The following ADAMTSL1 variants were observed in gnomAD, a reference collection of about 807,000 sequenced individuals.
ADAMTSL1 encodes the protein ADAMTS-like protein 1.
Under a neutral mutation model 201.8 loss-of-function variants are expected in ADAMTSL1, and 126 were observed. That is an observed-to-expected ratio of 0.62 (90% confidence interval 0.54 to 0.72). ADAMTSL1 has a LOEUF of 0.72. Among genes scored for constraint, ADAMTSL1 ranks in the 30% least tolerant of loss-of-function variants. The pLI, the probability that ADAMTSL1 is intolerant of heterozygous loss-of-function variation, is 0.00. For missense variants in ADAMTSL1, 2,679 were observed against 2,277.8 expected (o/e 1.18, Z -3.59); for synonymous variants, 1,121 against 903.4 (o/e 1.24, Z -4.32).
intron 2 of ADAMTSL1, among the ~76,000 whole-genome samples, chr9:18,531,517 A>G (rs541563901): frequency 1.3e-5 from 2 of 152,148 alleles, no homozygotes; most frequent in Admixed American, 1.3e-4. Context: ...TTCCTTTTCT[A>G]TTTTTAATGC....
At chr9:17,975,129 T>C (rs545396956) in intron 1 of ADAMTSL1, among the ~76,000 whole-genome samples, 1 of 152,082 alleles carries the variant, frequency 6.6e-6, no homozygotes, top group African/African-American at 2.4e-5. Context: ...GTCAAGCATC[T>C]TTTTATGTAT....
At chr9:18,888,497 G>A (rs1198806641) in intron 24 of ADAMTSL1, among the ~76,000 whole-genome samples, 1 of 152,226 alleles carries the variant, frequency 6.6e-6, no homozygotes, top group Non-Finnish European at 1.5e-5. Flanking sequence ...TAAGCTGAGG[G>A]CTTTCCAGGC....
intron 2 of ADAMTSL1, among the ~76,000 whole-genome samples, chr9:18,257,667 T>C (rs1831740651): frequency 6.6e-6 from 1 of 152,212 alleles, no homozygotes; most frequent in Non-Finnish European, 1.5e-5. Context: ...CATCCAGCTA[T>C]ATTCTCTTTC....
rs567325530 is a variant in ADAMTSL1, at chr9:18,096,465, T to G, written c.88-67397T>G. Among the ~76,000 whole-genome samples, 5 of 152,292 alleles carry G rather than the reference T, an allele frequency of 3.3e-5. No individual in the cohort carries two copies. In the South Asian group the frequency reaches 1.0e-3, roughly 32 times the overall value. On this transcript the variant is annotated intron_variant, in intron 1 of 29. Transcript: ENST00000680146. ...GTTCAATATAGTAGCCACTGGCCCA[T>G]GTGGCTCTTGGTACCACTCTGTGGC...
intron 20 of ADAMTSL1, among the ~76,000 whole-genome samples, chr9:18,812,411 C>G (rs534004059): frequency 6.6e-6 from 1 of 152,238 alleles, no homozygotes; most frequent in South Asian, 2.1e-4. Flanking sequence ...TAAATGTGAC[C>G]TCTCACATCT....
chr9:18,486,604 C>T (rs1281352), intron 1 of ADAMTSL1, among the ~76,000 whole-genome samples: 51,720 of 151,942 alleles, frequency 0.34, 10,696 homozygotes, highest in East Asian at 0.48. Context: ...ACTCAGGAGG[C>T]TGAGGTGGGA....
chr9:18,164,944 C>T (rs1419480593), intron 2 of ADAMTSL1, among the ~76,000 whole-genome samples: 1 of 151,752 alleles, frequency 6.6e-6, no homozygotes, highest in African/African-American at 2.4e-5. Context: ...TCATGGTGAG[C>T]ATTCACATCT....
chr9:18,438,356 G>A (rs1267358731), intron 2 of ADAMTSL1, among the ~76,000 whole-genome samples: 2 of 152,158 alleles, frequency 1.3e-5, no homozygotes, highest in East Asian at 1.9e-4. Context: ...GGCCAGTTTT[G>A]CTTTCAGAGT....
chr9:18,155,479 T>C (rs1458940126), intron 1 of ADAMTSL1, among the ~76,000 whole-genome samples: 1 of 152,076 alleles, frequency 6.6e-6, no homozygotes, highest in Non-Finnish European at 1.5e-5. Context: ...CTGCGACCCA[T>C]GGGCCTCATG....
intron 1 of ADAMTSL1, among the ~76,000 whole-genome samples, chr9:18,503,421 G>GTGTATATATATATATATATATATA (rs376466829): frequency 0.045 from 5,162 of 114,052 alleles, 574 homozygotes; most frequent in South Asian, 0.08. Flanking sequence ...ATTCCATTGT[G>GTGTATATATATATATATATATATA]TATATATATA....
At chr9:18,382,490 T>C (rs1198587331) in intron 2 of ADAMTSL1, among the ~76,000 whole-genome samples, 1 of 152,160 alleles carries the variant, frequency 6.6e-6, no homozygotes, top group African/African-American at 2.4e-5. Context: ...TTTTTCTTTT[T>C]TTAATGGCGA....
chr9:18,534,025 G>T (rs1266637796), intron 3 of ADAMTSL1, among the ~76,000 whole-genome samples: 3 of 152,196 alleles, frequency 2.0e-5, no homozygotes, highest in Non-Finnish European at 4.4e-5. Context: ...AGTTTCACCA[G>T]AGTTGAGTAT....
Position 18,600,833 on chromosome 9 carries a change from C to T in ADAMTSL1, c.475-21410C>T, listed in dbSNP as rs1325610708. 3.3e-5 allele frequency among the ~76,000 whole-genome samples: 5 copies of T among 152,170 alleles called. No homozygotes were observed. In the East Asian group the frequency reaches 9.6e-4, roughly 29 times the overall value. Reference sequence around the variant, plus strand: ...CAAAAATATAAACTCTTAGCCTGTACCTATGGTTGTTTCAAAAGAAAAAGA... The same window carrying T: ...CAAAAATATAAACTCTTAGCCTGTATCTATGGTTGTTTCAAAAGAAAAAGA... On this transcript the variant is annotated intron_variant, in intron 4 of 28. Transcript: ENST00000380548.
intron 15 of ADAMTSL1, among the ~76,000 whole-genome samples, chr9:18,734,866 C>T (rs1307566438): frequency 6.6e-6 from 1 of 152,210 alleles, no homozygotes; most frequent in South Asian, 2.1e-4. Flanking sequence ...TGCCTTCCAT[C>T]CCCTTTCAGT....
chr9:18,048,350 A>C (rs1049264001), intron 1 of ADAMTSL1, among the ~76,000 whole-genome samples: 5 of 152,204 alleles, frequency 3.3e-5, no homozygotes, highest in African/African-American at 1.2e-4. Flanking sequence ...AAACAGGTGA[A>C]ATTCCAGTTG....
intron 2 of ADAMTSL1, among the ~76,000 whole-genome samples, chr9:18,181,848 T>A (rs1365366037): frequency 6.6e-6 from 1 of 151,608 alleles, no homozygotes; most frequent in Non-Finnish European, 1.5e-5. Flanking sequence ...GTATGTTTAT[T>A]GCGGCATTAT....
intron 3 of ADAMTSL1, among the ~76,000 whole-genome samples, chr9:18,554,407 G>C (rs1200438684): frequency 4.6e-5 from 7 of 151,762 alleles, no homozygotes; most frequent in African/African-American, 1.7e-4. Context: ...TTAAGAGGGA[G>C]TTCCTTGTAA....
chr9:18,483,810 G>A (rs1238385412), intron 1 of ADAMTSL1, among the ~76,000 whole-genome samples: 2 of 152,156 alleles, frequency 1.3e-5, no homozygotes, highest in African/African-American at 4.8e-5. Context: ...CTGGGCGACA[G>A]AGCAAGACTC....
intron 1 of ADAMTSL1, among the ~76,000 whole-genome samples, chr9:18,130,603 G>C (rs956830935): frequency 3.9e-5 from 6 of 152,080 alleles, no homozygotes; most frequent in Non-Finnish European, 8.8e-5. Flanking sequence ...GAAGCTAGCA[G>C]GTTTTTAAAA....
Sources: gnomAD v4.1 joint callset for allele counts (sites outside exome capture counted in the v4.1 genomes callset) on GRCh38, gnomAD v4.1.1 for gene constraint, MANE v1.5 for transcripts, NCBI Gene and HGNC (gene_info 2026-07-23, HGNC 2026-07-21) for gene names.